The following PPARG variants were observed in gnomAD, a reference collection of about 807,000 sequenced individuals.
PPARG encodes peroxisome proliferator activated receptor gamma, also known as peroxisome proliferator-activated receptor gamma.
Under a neutral mutation model 39.2 loss-of-function variants are expected in PPARG, and 17 were observed. The observed-to-expected ratio is 0.43, with a 90% CI of 0.30 to 0.65. PPARG has a LOEUF of 0.65. Ranked by LOEUF, PPARG falls within the 30% of genes least tolerant of loss-of-function variation. The pLI is 0.13. For synonymous variants in PPARG, 223 were observed against 215.7 expected, an observed-to-expected ratio of 1.03 and a Z score of -0.30; for missense variants, 406 against 585.9, an observed-to-expected ratio of 0.69 and a Z score of 3.17.
intron 2 of PPARG, among the ~76,000 whole-genome samples, chr3:12,321,121 A>C (rs2047529238): frequency 1.3e-5 from 2 of 152,172 alleles, no homozygotes; most frequent in Admixed American, 1.3e-4. Flanking sequence ...GGAAAAGCTG[A>C]CTTTATGCTT....
At chr3:12,359,024 G>A (rs1364931391) in intron 2 of PPARG, among the ~76,000 whole-genome samples, 6 of 152,116 alleles carry the variant, frequency 3.9e-5, no homozygotes, top group Non-Finnish European at 8.8e-5. Flanking sequence ...CTACCAGAAA[G>A]CTATCCCTGA....
intron 6 of PPARG, among the ~76,000 whole-genome samples, chr3:12,408,894 G>A (rs999973781): frequency 2.0e-5 from 3 of 152,010 alleles, no homozygotes; most frequent in Admixed American, 6.6e-5. Flanking sequence ...GGTGTGCAAC[G>A]TGCTCTTATC....
At chr3:12,324,319 G>T (rs936484455) in intron 2 of PPARG, among the ~76,000 whole-genome samples, 1 of 151,916 alleles carries the variant, frequency 6.6e-6, no homozygotes, top group Non-Finnish European at 1.5e-5. Context: ...AGACACAGAC[G>T]ATGTGAGAAA....
intron 1 of PPARG, among the ~76,000 whole-genome samples, chr3:12,311,699 C>G (rs10865710): frequency 0.25 from 38,307 of 152,016 alleles, 4,938 homozygotes; most frequent in East Asian, 0.33. Flanking sequence ...GTTTTGTCTT[C>G]ATGGAAAATA....
At chr3:12,363,796 A>G (rs770708731) in intron 2 of PPARG, among the ~76,000 whole-genome samples, 17 of 152,166 alleles carry the variant, frequency 1.1e-4, no homozygotes, top group Non-Finnish European at 2.4e-4. Context: ...TGCAAAGCCA[A>G]AACCAAAACG....
At chr3:12,403,647 C>T (rs1170406228) in intron 5 of PPARG, among the ~76,000 whole-genome samples, 1 of 152,196 alleles carries the variant, frequency 6.6e-6, no homozygotes, top group Non-Finnish European at 1.5e-5. Context: ...TGAGCTACCA[C>T]ACCCAGCCCA....
intron 2 of PPARG, among the ~76,000 whole-genome samples, chr3:12,330,988 G>A (rs1434848208): frequency 6.6e-6 from 1 of 152,102 alleles, no homozygotes; most frequent in Non-Finnish European, 1.5e-5. Context: ...ACAATACAAG[G>A]ACATTTTCCT....
At chr3:12,396,176 C>A (rs895096) in intron 5 of PPARG, among the ~76,000 whole-genome samples, 34,029 of 151,704 alleles carry the variant, frequency 0.22, 4,301 homozygotes, top group Non-Finnish European at 0.28. Flanking sequence ...GTCTGGAGTA[C>A]AATGGTACAA....
intron 2 of PPARG, chr3:12,351,477 T>G (rs954326821): frequency 5.2e-6 from 4 of 772,990 alleles, no homozygotes; most frequent in African/African-American, 3.4e-5. Flanking sequence ...TCTTGACTCA[T>G]GGGTGTATTC....
At chr3:12,339,152 T>G (rs1436547441) in intron 2 of PPARG, among the ~76,000 whole-genome samples, 4 of 152,086 alleles carry the variant, frequency 2.6e-5, no homozygotes, top group South Asian at 4.2e-4. Context: ...ACCTCCAGAC[T>G]CAACCTCGGA....
At chr3:12,389,710 G>C (rs2050001151) in intron 4 of PPARG, among the ~76,000 whole-genome samples, 1 of 152,010 alleles carries the variant, frequency 6.6e-6, no homozygotes, top group African/African-American at 2.4e-5. Context: ...GGCCAACTTG[G>C]TGAAAACCCA....
intron 4 of PPARG, among the ~76,000 whole-genome samples, chr3:12,383,827 A>G (rs549509183): frequency 7.9e-5 from 12 of 152,210 alleles, no homozygotes; most frequent in Non-Finnish European, 1.6e-4. Flanking sequence ...CTTAAAAGCA[A>G]GCAGGGAAGA....
chr3:12,367,350 T>C (rs1306824263), intron 2 of PPARG, among the ~76,000 whole-genome samples: 2 of 152,136 alleles, frequency 1.3e-5, no homozygotes, highest in Non-Finnish European at 2.9e-5. Context: ...ATATCTCCCT[T>C]TAGAAATATA....
intron 1 of PPARG, among the ~76,000 whole-genome samples, chr3:12,305,120 C>G (rs368680433): frequency 1.3e-5 from 2 of 151,960 alleles, no homozygotes; most frequent in South Asian, 4.2e-4. Context: ...TCCTGGTGTT[C>G]CCTATGTTTT....
chr3:12,356,834 C>CT (rs2125106959), intron 2 of PPARG, among the ~76,000 whole-genome samples: 1 of 152,250 alleles, frequency 6.6e-6, no homozygotes, highest in Admixed American at 6.5e-5. Context: ...AAGAGTAAGG[C>CT]CGACCCACCC....
intron 1 of PPARG, among the ~76,000 whole-genome samples, chr3:12,298,819 T>C (rs2046858296): frequency 6.6e-6 from 1 of 152,120 alleles, no homozygotes; most frequent in African/African-American, 2.4e-5. Context: ...TGATGCGTTT[T>C]ATTTTCATTT....
intron 6 of PPARG, among the ~76,000 whole-genome samples, chr3:12,414,709 A>G (rs1316812778): frequency 6.6e-6 from 1 of 152,096 alleles, no homozygotes; most frequent in East Asian, 1.9e-4. Context: ...AAAGAAAAAA[A>G]GAAAAAGGAA....
At chr3:12,345,082 GT>G (rs1429071253) in intron 2 of PPARG, among the ~76,000 whole-genome samples, 1 of 140,732 alleles carries the variant, frequency 7.1e-6, no homozygotes, top group Non-Finnish European at 1.6e-5. Context: ...CAGATCCAAG[GT>G]GTTTTTTTTT....
chr3:12,311,426 T>C (rs1461095938), intron 1 of PPARG, among the ~76,000 whole-genome samples: 2 of 152,182 alleles, frequency 1.3e-5, no homozygotes, highest in Non-Finnish European at 1.5e-5. Flanking sequence ...GAGAAATAAA[T>C]AAACAGGCAA....
Sources: allele counts gnomAD v4.1 joint callset (sites outside exome capture counted in the v4.1 genomes callset), GRCh38; gene constraint gnomAD v4.1.1; transcripts MANE v1.5; gene names NCBI Gene and HGNC (gene_info 2026-07-23, HGNC 2026-07-21).